CACNA2D1: variants seen among roughly 807,000 people sequenced by gnomAD.
CACNA2D1 encodes voltage-dependent calcium channel subunit alpha-2/delta-1.
In CACNA2D1, 53 loss-of-function variants were observed where a neutral mutation model predicts 171.5. The observed-to-expected ratio is 0.31, with a 90% CI of 0.25 to 0.39. The LOEUF (loss-of-function observed/expected upper bound fraction) is 0.39. Ranked by LOEUF, CACNA2D1 falls within the 10% of genes least tolerant of loss-of-function variation. CACNA2D1 has a pLI of 1.00. For missense variants in CACNA2D1, 903 were observed against 1,299.8 expected, an observed-to-expected ratio of 0.69 and a Z score of 4.69; for synonymous variants, 442 against 443.1, an observed-to-expected ratio of 1.00 and a Z score of 0.03.
At chr7:82,017,881 T>G (rs1011714692) in intron 12 of CACNA2D1, among the ~76,000 whole-genome samples, 3 of 152,090 alleles carry the variant, frequency 2.0e-5, no homozygotes, top group African/African-American at 7.2e-5. Flanking sequence ...TCACTTACAT[T>G]AGAGGAGGTC....
rs1311606106 is a variant in CACNA2D1, at chr7:82,364,290, T to A, written c.96-14641A>T. 3.9e-5 allele frequency among the ~76,000 whole-genome samples: 6 copies of A among 152,128 alleles called. No homozygotes were observed. The South Asian group carries it at 1.0e-3, about 26-fold the overall frequency. ...GGCACTGCAGCTGGAGACAAGAACA[T>A]AGCAAATGTCAAAGATAGAGCAAAT... is the stretch of plus-strand genomic sequence containing the variant. On this transcript the variant is annotated intron_variant, in intron 1 of 38. Transcript: ENST00000356860.
At chr7:82,002,035 A>AAAG in intron 18 of CACNA2D1, among the ~76,000 whole-genome samples, 3 of 150,510 alleles carry the variant, frequency 2.0e-5, no homozygotes, top group African/African-American at 7.3e-5. Context: ...AAAAAAAAAA[A>AAAG]AAAAAAAAGA....
intron 3 of CACNA2D1, among the ~76,000 whole-genome samples, chr7:82,297,347 G>C (rs1315412279): frequency 6.6e-6 from 1 of 152,058 alleles, no homozygotes; most frequent in African/African-American, 2.4e-5. Context: ...ATGTCTCCTG[G>C]CAGCTAATAC....
At chr7:82,107,405 C>G (rs987941944) in intron 6 of CACNA2D1, among the ~76,000 whole-genome samples, 1 of 152,026 alleles carries the variant, frequency 6.6e-6, no homozygotes, top group African/African-American at 2.4e-5. Flanking sequence ...AGACAGGTAA[C>G]GACTAACCAT....
intron 1 of CACNA2D1, among the ~76,000 whole-genome samples, chr7:82,410,302 A>G (rs923575543): frequency 6.6e-6 from 1 of 152,230 alleles, no homozygotes; most frequent in African/African-American, 2.4e-5. Context: ...ATATCTGCTT[A>G]GGTTGTGTAG....
At chr7:82,068,243 C>T (rs1807895725) in intron 7 of CACNA2D1, among the ~76,000 whole-genome samples, 1 of 152,220 alleles carries the variant, frequency 6.6e-6, no homozygotes, top group Admixed American at 6.5e-5. Flanking sequence ...CACCTGTACC[C>T]CTCCAGCCCC....
intron 10 of CACNA2D1, among the ~76,000 whole-genome samples, chr7:82,044,215 C>G (rs1432796915): frequency 2.0e-5 from 3 of 152,134 alleles, no homozygotes; most frequent in Non-Finnish European, 4.4e-5. Context: ...GCATCCCTTC[C>G]CCTCAGAAAG....
intron 3 of CACNA2D1, among the ~76,000 whole-genome samples, chr7:82,243,446 C>T (rs947240974): frequency 6.6e-6 from 1 of 152,114 alleles, no homozygotes; most frequent in African/African-American, 2.4e-5. Context: ...ACAATAGAGA[C>T]ACAAAATTCT....
At chr7:82,030,908 T>C (rs1446947382) in intron 12 of CACNA2D1, among the ~76,000 whole-genome samples, 2 of 151,950 alleles carry the variant, frequency 1.3e-5, no homozygotes, top group Non-Finnish European at 2.9e-5. Flanking sequence ...AAGGAAATGC[T>C]AGATTATTTA....
At chr7:82,191,698 C>A (rs2129186090) in intron 3 of CACNA2D1, among the ~76,000 whole-genome samples, 1 of 151,884 alleles carries the variant, frequency 6.6e-6, no homozygotes, top group African/African-American at 2.4e-5. Context: ...TTTCCTTCCT[C>A]TCTTGTTAGA....
intron 3 of CACNA2D1, among the ~76,000 whole-genome samples, chr7:82,329,116 C>T (rs1265468248): frequency 6.6e-6 from 1 of 151,550 alleles, no homozygotes; most frequent in Non-Finnish European, 1.5e-5. Flanking sequence ...AATGACTGGC[C>T]TAAGAGTTAA....
chr7:82,013,053 G>T (rs532407936), intron 14 of CACNA2D1, among the ~76,000 whole-genome samples: 3 of 152,098 alleles, frequency 2.0e-5, no homozygotes, highest in African/African-American at 7.2e-5. Context: ...AGGTATTTAA[G>T]TTCCAACTAG....
chr7:82,240,164 C>A (rs892398242), intron 3 of CACNA2D1, among the ~76,000 whole-genome samples: 2 of 152,120 alleles, frequency 1.3e-5, no homozygotes, highest in African/African-American at 2.4e-5. Flanking sequence ...CACGTTTAAA[C>A]CCCATCCCTG....
At chr7:81,984,911 A>G (rs891270358) in intron 21 of CACNA2D1, among the ~76,000 whole-genome samples, 200 bp from the exon 22 acceptor site, 1 of 152,146 alleles carries the variant, frequency 6.6e-6, no homozygotes, top group African/African-American at 2.4e-5. Flanking sequence ...CTAGCTCTCT[A>G]CATTGTAGGG....
At chr7:82,168,219 C>A (rs1053145021) in intron 4 of CACNA2D1, among the ~76,000 whole-genome samples, 3 of 152,038 alleles carry the variant, frequency 2.0e-5, no homozygotes, top group Non-Finnish European at 2.9e-5. Context: ...TCTTGGCTCA[C>A]TGCACCCTCC....
chr7:82,184,069 G>C (rs759066531), intron 3 of CACNA2D1, among the ~76,000 whole-genome samples: 8 of 150,340 alleles, frequency 5.3e-5, no homozygotes, highest in Middle Eastern at 7.0e-3. Context: ...CCAATTCAGT[G>C]AGTAGGATGG....
chr7:82,418,550 T>C (rs1828410085), intron 1 of CACNA2D1, among the ~76,000 whole-genome samples: 1 of 151,686 alleles, frequency 6.6e-6, no homozygotes, highest in Non-Finnish European at 1.5e-5. Flanking sequence ...AATAAATAAA[T>C]AAAGTAACAG....
chr7:82,302,433 G>A (rs113500020), intron 3 of CACNA2D1, among the ~76,000 whole-genome samples: 2,315 of 144,170 alleles, frequency 0.016, 52 homozygotes, highest in African/African-American at 0.052. Context: ...TTTTGGAGAC[G>A]GAGTTTCGCT....
intron 4 of CACNA2D1, among the ~76,000 whole-genome samples, chr7:82,163,696 C>A (rs1795167759): frequency 6.6e-6 from 1 of 151,888 alleles, no homozygotes. Flanking sequence ...TTGCATAGAG[C>A]ACATTGAATC....
Sources: allele counts gnomAD v4.1 joint callset (sites outside exome capture counted in the v4.1 genomes callset), GRCh38; gene constraint gnomAD v4.1.1; transcripts MANE v1.5; gene names NCBI Gene and HGNC (gene_info 2026-07-23, HGNC 2026-07-21).